Variants in PAIP2B observed in about 807,000 individuals in gnomAD.
The protein encoded by PAIP2B is polyadenylate-binding protein-interacting protein 2B.
PAIP2B carries 13 observed loss-of-function variants against 17.0 expected under a neutral mutation model. The ratio of observed to expected loss-of-function variants is 0.76; its 90% confidence interval spans 0.50 to 1.22. PAIP2B has a LOEUF of 1.22. PAIP2B is among the 50% of genes most tolerant of loss of function. The probability of loss-of-function intolerance (pLI) is 0.00; values close to 1 mark genes in which losing one functional copy is unlikely to be tolerated. For synonymous variants in PAIP2B, 43 were observed against 48.7 expected, an observed-to-expected ratio of 0.88 and a Z score of 0.48; for missense variants, 117 against 144.5, an observed-to-expected ratio of 0.81 and a Z score of 0.98.
rs957567414 is a variant in PAIP2B at position 71,191,551 on chromosome 2, A to G, written c.139-1530T>C. On this transcript the variant is annotated intron_variant, in intron 2 of 3. Coordinates refer to ENST00000244221, the MANE Select transcript of PAIP2B (RefSeq NM_020459.1). The stretch of plus-strand genomic sequence containing the variant: ...GTGGAAATTGCTGTCTGTCCCCTTT[A>G]AACTTGTTTCCTTCTTCCCAGAGCA... 6.6e-4 allele frequency among the ~76,000 whole-genome samples: 101 copies of G among 152,304 alleles called. 1 individual carries two copies. The highest frequency in any genetic ancestry group is 2.4e-3 in the African/African-American group (99 of 41,558).
intron 2 of PAIP2B, among the ~76,000 whole-genome samples, chr2:71,192,182 C>A (rs1674702450): frequency 6.6e-6 from 1 of 151,976 alleles, no homozygotes; most frequent in Non-Finnish European, 1.5e-5. Flanking sequence ...CTGGACTTAA[C>A]CACATATGAT....
intron 2 of PAIP2B, among the ~76,000 whole-genome samples, chr2:71,195,547 G>C (rs1229818130): frequency 6.6e-6 from 1 of 152,114 alleles, no homozygotes; most frequent in African/African-American, 2.4e-5. Flanking sequence ...TTATTTCTGT[G>C]GGGTCAGTAG....
At chr2:71,190,259 A>C (rs1272431547) in intron 2 of PAIP2B, among the ~76,000 whole-genome samples, 1 of 151,932 alleles carries the variant, frequency 6.6e-6, no homozygotes, top group Non-Finnish European at 1.5e-5. Flanking sequence ...TGCCTCTACA[A>C]AAAAAATTTT....
chr2:71,224,421 T>C (rs1167934377), intron 1 of PAIP2B, among the ~76,000 whole-genome samples: 1 of 152,190 alleles, frequency 6.6e-6, no homozygotes, highest in Non-Finnish European at 1.5e-5. Flanking sequence ...ATATAACTAC[T>C]GCAAATAATG....
At chr2:71,219,072 C>T (rs369921017) in intron 1 of PAIP2B, among the ~76,000 whole-genome samples, 10 of 146,808 alleles carry the variant, frequency 6.8e-5, no homozygotes, top group African/African-American at 1.2e-4. Flanking sequence ...CCCGCCACCA[C>T]GCCTAGCTAA....
At chr2:71,215,007 T>C (rs1675392017) in intron 1 of PAIP2B, among the ~76,000 whole-genome samples, 1 of 152,218 alleles carries the variant, frequency 6.6e-6, no homozygotes, top group South Asian at 2.1e-4. Flanking sequence ...AACATCATTC[T>C]ATAAAAGGAT....
At chr2:71,189,253 T>G (rs1203301999) in intron 3 of PAIP2B, among the ~76,000 whole-genome samples, 1 of 152,104 alleles carries the variant, frequency 6.6e-6, no homozygotes, top group Non-Finnish European at 1.5e-5. Flanking sequence ...CCTCAGGTGA[T>G]CCACCCGCCT....
chr2:71,194,905 A>C (rs558898252), intron 2 of PAIP2B, among the ~76,000 whole-genome samples: 1 of 152,310 alleles, frequency 6.6e-6, no homozygotes, highest in African/African-American at 2.4e-5. Flanking sequence ...ATATTCCTTC[A>C]ATACCTAGTT....
At chr2:71,219,621 C>T (rs939406657) in intron 1 of PAIP2B, among the ~76,000 whole-genome samples, 9 of 152,164 alleles carry the variant, frequency 5.9e-5, no homozygotes, top group African/African-American at 2.2e-4. Context: ...TCTCTGGGTA[C>T]TAAAAAGATG....
chr2:71,196,581 A>G (rs1674824742), intron 2 of PAIP2B, among the ~76,000 whole-genome samples: 1 of 152,082 alleles, frequency 6.6e-6, no homozygotes, highest in Non-Finnish European at 1.5e-5. Flanking sequence ...TTCTGCTTCA[A>G]TGATCTAATA....
intron 1 of PAIP2B, among the ~76,000 whole-genome samples, chr2:71,224,581 A>G (rs1198313286): frequency 1.3e-5 from 2 of 152,208 alleles, no homozygotes; most frequent in African/African-American, 2.4e-5. Context: ...AGAATGGTGC[A>G]TACAGAGAGA....
At position 71,189,319 on chromosome 2, in the gene PAIP2B, C is replaced by T. The variant is rs562045546; in HGVS notation, c.315+526G>A. 1.1e-4 allele frequency among the ~76,000 whole-genome samples: 17 copies of T among 152,296 alleles called. No individual in the cohort carries two copies. In the South Asian group the frequency reaches 3.5e-3, roughly 32 times the overall value. On this transcript the variant is annotated intron_variant, in intron 3 of 3. Transcript: ENST00000244221. ...TGAGCCACCGTGCCCAGCCTGCTCA[C>T]AGACTTCTGATGTTACATAAATATG... is the stretch of plus-strand genomic sequence containing the variant.
At position 71,186,250 on chromosome 2, in the gene PAIP2B, C is replaced by T. The variant is rs1016395449; in HGVS notation, c.*2229G>A. ...TGTGTTGTGAGTGACAATTGTGCCC[C>T]TACCTCCCAACATAAATAGATGGCA... On this transcript the variant is annotated 3_prime_UTR_variant, in exon 4 of 4. Transcript: ENST00000244221. The T allele has an allele frequency of 2.6e-5, 4 of 152,186 alleles. No individual in the cohort carries two copies. The highest frequency in any genetic ancestry group is 6.5e-5 in the Admixed American group (1 of 15,286). The allele number at this position is 152,186 out of a possible 1,614,324, so 9.4% of individuals were successfully genotyped here.
intron 1 of PAIP2B, among the ~76,000 whole-genome samples, chr2:71,203,288 C>G (rs1339878903): frequency 6.6e-6 from 1 of 151,880 alleles, no homozygotes; most frequent in East Asian, 2.0e-4. Context: ...AATAACATAG[C>G]CATACCATCT....
Position 71,185,359 on chromosome 2 carries a change from A to T in PAIP2B, c.*3120T>A, listed in dbSNP as rs893074178. 4 of 152,162 alleles carry T rather than the reference A, an allele frequency of 2.6e-5. No individual in the cohort carries two copies. Among genetic ancestry groups the T allele is most frequent in the Middle Eastern group, 3.4e-3 (1 of 294 alleles). 9.4% of individuals were successfully genotyped at this position (152,162 alleles called of 1,614,324 possible). A position where few individuals can be genotyped will look rare whatever the true frequency, so the allele number is the denominator to read the frequency against. Reference sequence around the variant, plus strand: ...AATCACTTGAGCACAACAATTCAAGAGTAGCTTGGGAAATAGAGCAAGATC... The same window carrying T: ...AATCACTTGAGCACAACAATTCAAGTGTAGCTTGGGAAATAGAGCAAGATC... On this transcript the variant is annotated 3_prime_UTR_variant, in exon 4 of 4. Transcript: ENST00000244221.
chr2:71,206,006 G>A (rs561625550), intron 1 of PAIP2B, among the ~76,000 whole-genome samples: 7 of 152,292 alleles, frequency 4.6e-5, no homozygotes, highest in Non-Finnish European at 8.8e-5. Flanking sequence ...CTTTGTAAGA[G>A]TCTCAAGCAC....
In PAIP2B at chr2:71,188,535, T is replaced by G; in HGVS notation, c.316A>C (p.Ser106Arg). The G allele has an allele frequency of 6.2e-7, 1 of 1,605,842 alleles. No homozygotes were observed. The highest frequency in any genetic ancestry group is 8.5e-7 in the Non-Finnish European group (1 of 1,175,844). Residue 106 changes from serine (S) to arginine (R), a missense_variant and splice_region_variant, in exon 4 of 4, where the codon AGC becomes CGC. Transcript: ENST00000244221. ...GCATCTGGGTTCAGGTTACTTTTGCTCTGAAATAAGAACCAAGAGATAGTA... is the reference window on the plus strand; with the variant it reads ...GCATCTGGGTTCAGGTTACTTTTGCGCTGAAATAAGAACCAAGAGATAGTA... Reference protein sequence around the residue: ...SEGHDSEDILSKSNLNPDAKE... With the variant: ...SEGHDSEDILRKSNLNPDAKE...
intron 2 of PAIP2B, among the ~76,000 whole-genome samples, chr2:71,198,520 C>T (rs527827029): frequency 9.9e-5 from 15 of 152,130 alleles, no homozygotes; most frequent in South Asian, 8.3e-4. Context: ...CTCCTGACCT[C>T]GTGATCCGCC....
chr2:71,217,585 T>G (rs1261318702), intron 1 of PAIP2B, among the ~76,000 whole-genome samples: 3 of 152,256 alleles, frequency 2.0e-5, no homozygotes, highest in Admixed American at 6.5e-5. Flanking sequence ...TGCTTCTTGC[T>G]TTCAATGGAC....
Sources: allele counts gnomAD v4.1 joint callset (sites outside exome capture counted in the v4.1 genomes callset), GRCh38; gene constraint gnomAD v4.1.1; transcripts MANE v1.5; gene names NCBI Gene and HGNC (gene_info 2026-07-23, HGNC 2026-07-21).